The following SLC8A1 variants were observed in gnomAD, a reference collection of about 807,000 sequenced individuals.
SLC8A1 encodes solute carrier family 8 member A1.
A neutral mutation model predicts 68.3 loss-of-function variants in SLC8A1; 18 were observed. The observed-to-expected ratio is 0.26, with a 90% CI of 0.18 to 0.39. The LOEUF (loss-of-function observed/expected upper bound fraction) is 0.39, where lower values mean the gene tolerates loss of function less well. SLC8A1 is among the 10% of genes least tolerant of loss of function. The pLI, the probability that SLC8A1 is intolerant of heterozygous loss-of-function variation, is 1.00. For missense variants in SLC8A1, 985 were observed against 1,156.7 expected (o/e 0.85, Z 2.15); for synonymous variants, 475 against 415.5 (o/e 1.14, Z -1.74).
intron 2 of SLC8A1, among the ~76,000 whole-genome samples, chr2:40,368,082 T>C (rs1676835794): frequency 6.6e-6 from 1 of 152,096 alleles, no homozygotes; most frequent in Non-Finnish European, 1.5e-5. Flanking sequence ...TTTTGTGATC[T>C]GTAGCTCTGA....
chr2:40,199,753 C>T (rs1163667373), intron 2 of SLC8A1, among the ~76,000 whole-genome samples: 1 of 151,640 alleles, frequency 6.6e-6, no homozygotes, highest in Admixed American at 6.6e-5. Flanking sequence ...GTTGCTGATT[C>T]TACATGATAA....
chr2:40,117,016 C>T (rs2035588350), intron 7 of SLC8A1: 2 of 152,186 alleles, frequency 1.3e-5, no homozygotes, highest in Non-Finnish European at 2.9e-5. Context: ...GATGGTACTG[C>T]TCACTTCAGA....
At chr2:40,345,816 G>A (rs569848772) in intron 2 of SLC8A1, among the ~76,000 whole-genome samples, 133 of 152,156 alleles carry the variant, frequency 8.7e-4, no homozygotes, top group African/African-American at 3.1e-3. Context: ...GACACAGGGA[G>A]GGGAACATCA....
At chr2:40,496,376 GA>G in intron 1 of SLC8A1, among the ~76,000 whole-genome samples, 1 of 152,100 alleles carries the variant, frequency 6.6e-6, no homozygotes, top group Non-Finnish European at 1.5e-5. Context: ...AGAACTATCT[GA>G]AAAGACAGCA....
intron 2 of SLC8A1, among the ~76,000 whole-genome samples, chr2:40,200,239 AATATATATATATAT>A (rs1205217029): frequency 0.011 from 191 of 16,828 alleles, 21 homozygotes; most frequent in African/African-American, 0.03. Context: ...TATATATATA[AATATATATATATAT>A]ATATATATAT....
intron 2 of SLC8A1, among the ~76,000 whole-genome samples, chr2:40,314,215 C>T (rs72943121): frequency 0.095 from 14,425 of 151,908 alleles, 910 homozygotes; most frequent in East Asian, 0.21. Flanking sequence ...TTTTTATTTG[C>T]TGCATATACA....
chr2:40,178,926 G>C (rs1301887082), intron 2 of SLC8A1, among the ~76,000 whole-genome samples: 1 of 152,142 alleles, frequency 6.6e-6, no homozygotes, highest in Non-Finnish European at 1.5e-5. Flanking sequence ...AGTTATCTCT[G>C]AGCAATTGGC....
At chr2:40,431,904 C>T (rs533594324) in intron 1 of SLC8A1, among the ~76,000 whole-genome samples, 17 of 152,172 alleles carry the variant, frequency 1.1e-4, no homozygotes, top group South Asian at 6.2e-4. Context: ...AGACTAAAGC[C>T]CTTTATAGCT....
intron 7 of SLC8A1, among the ~76,000 whole-genome samples, chr2:40,116,478 G>A (rs999295804): frequency 6.7e-6 from 1 of 149,054 alleles, no homozygotes; most frequent in Admixed American, 6.7e-5. Context: ...CCACCCCACA[G>A]CAGTCCCCAG....
chr2:40,414,537 C>T (rs1391221121), intron 2 of SLC8A1, among the ~76,000 whole-genome samples: 2 of 152,030 alleles, frequency 1.3e-5, no homozygotes, highest in Non-Finnish European at 2.9e-5. Context: ...TTTATTATTC[C>T]TTGTGCTAAA....
chr2:40,160,961 G>T, intron 5 of SLC8A1, 97 bp from the exon 9 acceptor site: 1 of 824,570 alleles, frequency 1.2e-6, no homozygotes, highest in Non-Finnish European at 2.0e-6. Context: ...GTTATATAAA[G>T]GGTAGCAGAT....
chr2:40,434,879 G>C (rs1037348456), intron 1 of SLC8A1, among the ~76,000 whole-genome samples: 7 of 152,116 alleles, frequency 4.6e-5, no homozygotes, highest in African/African-American at 1.7e-4. Flanking sequence ...AGAGGTCACA[G>C]CTACAAGGAA....
intron 2 of SLC8A1, among the ~76,000 whole-genome samples, chr2:40,376,345 T>A (rs543708962): frequency 6.6e-6 from 1 of 152,126 alleles, no homozygotes; most frequent in South Asian, 2.1e-4. Context: ...GGATTAGAGA[T>A]AGACAGTAGC....
chr2:40,429,206 T>C, exon 2 of SLC8A1: 1 of 1,613,844 alleles, frequency 6.2e-7, no homozygotes, highest in Non-Finnish European at 8.5e-7. Context: ...GCTCTACTTT[T>C]TTGCTGCTGA....
intron 2 of SLC8A1, among the ~76,000 whole-genome samples, chr2:40,338,876 T>C (rs890455796): frequency 6.6e-6 from 1 of 150,636 alleles, no homozygotes; most frequent in Admixed American, 6.6e-5. Flanking sequence ...GTGCTGTATC[T>C]TATATGAGAA....
chr2:40,435,427 A>G (rs1699199738), intron 1 of SLC8A1, among the ~76,000 whole-genome samples: 2 of 151,920 alleles, frequency 1.3e-5, no homozygotes, highest in Non-Finnish European at 2.9e-5. Flanking sequence ...AAAAAACCTC[A>G]TTTACACAGA....
chr2:40,169,862 G>T (rs2047158492), intron 4 of SLC8A1, among the ~76,000 whole-genome samples: 1 of 152,158 alleles, frequency 6.6e-6, no homozygotes, highest in African/African-American at 2.4e-5. Context: ...GATCCCTTGG[G>T]CTCAGGAGGT....
intron 2 of SLC8A1, among the ~76,000 whole-genome samples, chr2:40,308,120 C>G (rs867469189): frequency 3.3e-5 from 5 of 152,166 alleles, no homozygotes; most frequent in Non-Finnish European, 7.3e-5. Flanking sequence ...ATACAGACTA[C>G]TAGAGAATTT....
chr2:40,390,129 C>T (rs1008425894), intron 2 of SLC8A1, among the ~76,000 whole-genome samples: 2 of 152,014 alleles, frequency 1.3e-5, no homozygotes, highest in Non-Finnish European at 2.9e-5. Context: ...ATCTGGATTA[C>T]ACAACCTAGT....
Sources: gnomAD v4.1 joint callset for allele counts (sites outside exome capture counted in the v4.1 genomes callset) on GRCh38, gnomAD v4.1.1 for gene constraint, MANE v1.5 for transcripts, NCBI Gene and HGNC (gene_info 2026-07-23, HGNC 2026-07-21) for gene names.